INPP5A: variants seen among roughly 807,000 people sequenced by gnomAD.
INPP5A encodes the protein 43 kDa inositol polyphosphate 5-phophatase.
In INPP5A, 14 loss-of-function variants were observed where a neutral mutation model predicts 65.2. The observed-to-expected ratio is 0.21, with a 90% CI of 0.14 to 0.34. INPP5A has a LOEUF of 0.34. Ranked by LOEUF, INPP5A falls within the 10% of genes least tolerant of loss-of-function variation. The probability of loss-of-function intolerance (pLI) is 1.00; values close to 1 mark genes in which losing one functional copy is unlikely to be tolerated. For synonymous variants in INPP5A, 207 were observed against 208.3 expected (o/e 0.99, Z 0.05); for missense variants, 431 against 545.6 (o/e 0.79, Z 2.09).
chr10:132,616,850 C>T lies in INPP5A; in HGVS notation c.117+8894C>T, dbSNP rs1344922670. ...GCAGCAGGGAGGAAGGCCAGCTTCA[C>T]GCTGCAGGAGCTCCTGGGCAGTCTG... is the stretch of plus-strand genomic sequence containing the variant. On this transcript the variant is annotated intron_variant, in intron 2 of 15. Transcript: ENST00000368594. This position sits in a 1 kb window ranked among gnomAD's most constrained non-coding sequence, Gnocchi z 4.9. 1.3e-5 allele frequency among the ~76,000 whole-genome samples: 2 copies of T among 152,020 alleles called. No homozygotes were observed. The highest frequency in any genetic ancestry group is 1.9e-4 in the East Asian group (1 of 5,166).
intron 9 of INPP5A, among the ~76,000 whole-genome samples, chr10:132,730,968 G>GT (rs1451091436): frequency 6.6e-6 from 1 of 152,208 alleles, no homozygotes; most frequent in Non-Finnish European, 1.5e-5. Context: ...CTTTCAACCA[G>GT]TGCAGGGGCT....
chr10:132,685,807 C>T (rs940936352), intron 4 of INPP5A, among the ~76,000 whole-genome samples: 4 of 152,298 alleles, frequency 2.6e-5, no homozygotes, highest in Middle Eastern at 3.4e-3. Flanking sequence ...GGTCTGCTCC[C>T]GCCCTGAGTT....
At position 132,587,180 on chromosome 10, in the gene INPP5A, G is replaced by C. The variant is rs2071555849; in HGVS notation, c.76-20735G>C. ...AAACAAGAGAGCCAGTGTGAAAACA[G>C]TAGGCAATGAACAGTGTCCACAGAA... is the stretch of plus-strand genomic sequence containing the variant. On this transcript the variant is annotated intron_variant, in intron 1 of 15. Transcript: ENST00000368594. This position sits in a 1 kb window ranked among gnomAD's most constrained non-coding sequence, Gnocchi z 4.3. Among the ~76,000 whole-genome samples the C allele has an allele frequency of 6.6e-6, 1 of 152,250 alleles. No homozygotes were observed. Among genetic ancestry groups the C allele is most frequent in the African/African-American group, 2.4e-5 (1 of 41,464 alleles).
rs2072964733 is a variant in INPP5A at position 132,676,375 on chromosome 10, C to T, written c.307-14017C>T. On this transcript the variant is annotated intron_variant, in intron 4 of 15. Transcript: ENST00000368594. The surrounding 1 kb of genome is among the most constrained non-coding windows in gnomAD (Gnocchi z 4.0). Reference sequence around the variant, plus strand: ...TGGCCGAGGCTGCTGTTGTCTGGCACACCGTGAGTTCTGGGCCAGGACCTT... The same window carrying T: ...TGGCCGAGGCTGCTGTTGTCTGGCATACCGTGAGTTCTGGGCCAGGACCTT... Among the ~76,000 whole-genome samples, 1 of 152,186 alleles carries T rather than the reference C, an allele frequency of 6.6e-6. No homozygotes were observed. Among genetic ancestry groups the T allele is most frequent in the Non-Finnish European group, 1.5e-5 (1 of 68,028 alleles).
At chr10:132,677,184 C>T (rs1371313592) in intron 4 of INPP5A, among the ~76,000 whole-genome samples, 1 of 152,236 alleles carries the variant, frequency 6.6e-6, no homozygotes, top group Admixed American at 6.5e-5. Context: ...GAAGCTGTTT[C>T]AGCCTCTGCA....
chr10:132,596,927 A>ATGTGCGCGTG (rs1554932689), intron 1 of INPP5A, among the ~76,000 whole-genome samples: 12 of 14,546 alleles, frequency 8.2e-4, no homozygotes, highest in South Asian at 0.02. Flanking sequence ...GTGTGCGCGC[A>ATGTGCGCGTG]TGTGCACGCA....
At chr10:132,652,966 C>T (rs1234310491) in intron 4 of INPP5A, among the ~76,000 whole-genome samples, 1 of 152,190 alleles carries the variant, frequency 6.6e-6, no homozygotes, top group Non-Finnish European at 1.5e-5. Context: ...AGGAGGACCC[C>T]ACAGTCCCCT....
chr10:132,587,550 TTTCTGGG>T lies in INPP5A; in HGVS notation c.76-20364_76-20358del, dbSNP rs2133308355. ...GTTGGGACGCGGGGAGCAGGCGAAA[TTTCTGGG>T]CCAATGTTTAAACCTGCCTGAACTC... On this transcript the variant is annotated intron_variant, in intron 1 of 15. Coordinates refer to ENST00000368594, the MANE Select transcript of INPP5A (RefSeq NM_005539.5). This position sits in a 1 kb window ranked among gnomAD's most constrained non-coding sequence, Gnocchi z 4.3. Among the ~76,000 whole-genome samples the T allele has an allele frequency of 6.6e-6, 1 of 152,258 alleles. No individual in the cohort carries two copies. Among genetic ancestry groups the T allele is most frequent in the African/African-American group, 2.4e-5 (1 of 41,532 alleles).
In INPP5A at chr10:132,714,609, A is replaced by T. The variant is rs1564978762; in HGVS notation, c.647+4153A>T. On this transcript the variant is annotated intron_variant, in intron 8 of 15. Transcript: ENST00000368594. ...GCCGGCAGCACCAGGCCCAGGAGGG[A>T]GGGCAGGTCCCAGCCCTGGAGGAGG... is the stretch of plus-strand genomic sequence containing the variant. Among the ~76,000 whole-genome samples, 3 of 152,132 alleles carry T rather than the reference A, an allele frequency of 2.0e-5. No homozygotes were observed. The South Asian group carries it at 6.2e-4, about 31-fold the overall frequency.
intron 4 of INPP5A, among the ~76,000 whole-genome samples, chr10:132,666,200 A>T (rs1040361514): frequency 6.6e-6 from 1 of 152,122 alleles, no homozygotes; most frequent in East Asian, 1.9e-4. Flanking sequence ...CTTCCTCACT[A>T]TGATTCATCT....
chr10:132,671,793 G>T (rs1482176829), intron 4 of INPP5A, among the ~76,000 whole-genome samples: 1 of 152,204 alleles, frequency 6.6e-6, no homozygotes. Flanking sequence ...CACAGATAGA[G>T]ATGTTGAGGC....
In INPP5A at chr10:132,545,386, G is replaced by A. The variant is rs575704025; in HGVS notation, c.75+7215G>A. ...CGGCTGAGGGGGCTGCCTACGGCAG[G>A]AGACGGCAGGTCTCTCTGAGCTGTG... On this transcript the variant is annotated intron_variant, in intron 1 of 15. Coordinates refer to ENST00000368594, the MANE Select transcript of INPP5A (RefSeq NM_005539.5). The surrounding 1 kb of genome is among the most constrained non-coding windows in gnomAD (Gnocchi z 4.6). Among the ~76,000 whole-genome samples, 3 of 152,322 alleles carry A rather than the reference G, an allele frequency of 2.0e-5. No homozygotes were observed. Among genetic ancestry groups the A allele is most frequent in the African/African-American group, 7.2e-5 (3 of 41,580 alleles).
intron 1 of INPP5A, among the ~76,000 whole-genome samples, chr10:132,586,362 C>T (rs2071544548): frequency 6.6e-6 from 1 of 152,242 alleles, no homozygotes; most frequent in Non-Finnish European, 1.5e-5. Flanking sequence ...GCAGGGGGCT[C>T]TCTGGACCAT....
At chr10:132,747,657 C>T (rs1242525913) in intron 9 of INPP5A, among the ~76,000 whole-genome samples, 1 of 152,276 alleles carries the variant, frequency 6.6e-6, no homozygotes, top group Non-Finnish European at 1.5e-5. Flanking sequence ...AGCACCAGCT[C>T]CCAAGGGCCC....
At chr10:132,662,590 G>C (rs2072750483) in intron 4 of INPP5A, among the ~76,000 whole-genome samples, 1 of 152,194 alleles carries the variant, frequency 6.6e-6, no homozygotes, top group Non-Finnish European at 1.5e-5. Context: ...CCCGGGGAAG[G>C]GGTTGTGGTG....
chr10:132,646,032 T>A, intron 3 of INPP5A, 64 bp downstream of exon 3: 1 of 1,060,020 alleles, frequency 9.4e-7, no homozygotes, highest in Admixed American at 1.9e-5. Context: ...CCGGCGGGGG[T>A]CTTTTCATGG....
At chr10:132,569,340 G>GT (rs1209893792) in intron 1 of INPP5A, among the ~76,000 whole-genome samples, 2 of 151,976 alleles carry the variant, frequency 1.3e-5, no homozygotes, top group Non-Finnish European at 1.5e-5. Context: ...CATTTTGCTT[G>GT]TTTTTTTGTT....
At chr10:132,699,608 G>A (rs1320695867) in intron 6 of INPP5A, among the ~76,000 whole-genome samples, 1 of 152,070 alleles carries the variant, frequency 6.6e-6, no homozygotes. Flanking sequence ...AGCCCATAGG[G>A]AGCCCCATAG....
intron 1 of INPP5A, among the ~76,000 whole-genome samples, chr10:132,567,639 G>A (rs564090621): frequency 2.6e-5 from 4 of 152,196 alleles, no homozygotes; most frequent in South Asian, 2.1e-4. Context: ...TCCCTTTTCC[G>A]CTCCATGTAA....
Sources: allele counts gnomAD v4.1 joint callset (sites outside exome capture counted in the v4.1 genomes callset), GRCh38; gene constraint gnomAD v4.1.1; non-coding constraint Gnocchi (gnomAD v3.1); transcripts MANE v1.5; gene names NCBI Gene and HGNC (gene_info 2026-07-23, HGNC 2026-07-21).